RPS6KC1: variants seen among roughly 807,000 people sequenced by gnomAD.
RPS6KC1 encodes ribosomal protein S6 kinase C1.
Under a neutral mutation model 103.8 loss-of-function variants are expected in RPS6KC1, and 54 were observed. That is an observed-to-expected ratio of 0.52 (90% CI 0.42 to 0.65). The LOEUF (loss-of-function observed/expected upper bound fraction) is 0.65. Ranked by LOEUF, RPS6KC1 falls within the 30% of genes least tolerant of loss-of-function variation. RPS6KC1 has a pLI of 0.00. For synonymous variants in RPS6KC1, 439 were observed against 438.7 expected (o/e 1.00, Z -0.01); for missense variants, 1,151 against 1,253.8 (o/e 0.92, Z 1.24).
the RPS6KC1 span, among the ~76,000 whole-genome samples, chr1:213,692,388 C>A: frequency 1.8e-3 from 238 of 134,598 alleles, no homozygotes; most frequent in Middle Eastern, 3.8e-3. Context: ...GACTCTGTCT[C>A]AAAAAAAAAA....
At chr1:213,175,609 TA>T (rs1209493936) in intron 7 of RPS6KC1, among the ~76,000 whole-genome samples, 2 of 152,208 alleles carry the variant, frequency 1.3e-5, no homozygotes, top group Non-Finnish European at 2.9e-5. Context: ...AGGGAAAAAC[TA>T]AAACTAATAA....
chr1:213,189,378 G>A (rs1174581847), intron 8 of RPS6KC1, among the ~76,000 whole-genome samples: 2 of 150,596 alleles, frequency 1.3e-5, no homozygotes, highest in East Asian at 3.9e-4. Context: ...TAACCCAGGA[G>A]GCAGAGGTTG....
chr1:213,628,584 G>C, the RPS6KC1 span, among the ~76,000 whole-genome samples: 5 of 151,924 alleles, frequency 3.3e-5, no homozygotes. Flanking sequence ...CTATTAACTT[G>C]TCATTTAACA....
the RPS6KC1 span, among the ~76,000 whole-genome samples, chr1:213,283,894 A>G: frequency 6.6e-6 from 1 of 152,100 alleles, no homozygotes; most frequent in Non-Finnish European, 1.5e-5. Flanking sequence ...TTTTTTACTT[A>G]ACTCACTTTA....
the RPS6KC1 span, among the ~76,000 whole-genome samples, chr1:213,451,797 C>A: frequency 6.6e-6 from 1 of 152,196 alleles, no homozygotes; most frequent in Non-Finnish European, 1.5e-5. Context: ...AGAACCCAGG[C>A]CTGGAACTGC....
chr1:213,759,607 G>GGTGA, the RPS6KC1 span, among the ~76,000 whole-genome samples: 976 of 152,312 alleles, frequency 6.4e-3, 7 homozygotes, highest in African/African-American at 0.022. Flanking sequence ...CTTAAACCCT[G>GGTGA]TCTGGTAAGT....
At chr1:213,233,047 T>G (rs1448937419) in intron 10 of RPS6KC1, among the ~76,000 whole-genome samples, 1 of 152,222 alleles carries the variant, frequency 6.6e-6, no homozygotes, top group Non-Finnish European at 1.5e-5. Context: ...TATTGTACTT[T>G]ACTAATAGGC....
chr1:213,823,310 G>T, the RPS6KC1 span, among the ~76,000 whole-genome samples: 4 of 152,192 alleles, frequency 2.6e-5, no homozygotes, highest in East Asian at 7.7e-4. Flanking sequence ...ACCAACTAGA[G>T]CCTAAGTTCT....
chr1:213,792,696 C>T, the RPS6KC1 span, among the ~76,000 whole-genome samples: 7 of 152,266 alleles, frequency 4.6e-5, no homozygotes, highest in African/African-American at 1.7e-4. Flanking sequence ...ACAGTACTCA[C>T]TGAGAACAAA....
At chr1:213,368,384 G>A in the RPS6KC1 span, among the ~76,000 whole-genome samples, 4 of 152,126 alleles carry the variant, frequency 2.6e-5, no homozygotes, top group African/African-American at 9.7e-5. Context: ...TCTTTTACAC[G>A]AGAGGGTAGG....
the RPS6KC1 span, among the ~76,000 whole-genome samples, chr1:213,725,707 C>T: frequency 4.6e-5 from 7 of 152,170 alleles, no homozygotes; most frequent in Admixed American, 4.6e-4. Context: ...CAGAAAAAAT[C>T]GAACCCTGTT....
chr1:213,441,947 T>C, the RPS6KC1 span, among the ~76,000 whole-genome samples: 8 of 152,366 alleles, frequency 5.3e-5, no homozygotes, highest in Non-Finnish European at 7.4e-5. Context: ...ATAGCTTTAC[T>C]TTGTACCCAT....
intron 1 of RPS6KC1, among the ~76,000 whole-genome samples, chr1:213,058,887 A>G (rs1345512160): frequency 3.9e-5 from 6 of 152,218 alleles, no homozygotes; most frequent in Non-Finnish European, 8.8e-5. Flanking sequence ...AAATCTATGA[A>G]CACAGTATGT....
chr1:213,409,574 C>G, the RPS6KC1 span, among the ~76,000 whole-genome samples: 2 of 152,192 alleles, frequency 1.3e-5, no homozygotes, highest in East Asian at 3.9e-4. Flanking sequence ...AGAAAAGGAA[C>G]ACCAAGTGTA....
At chr1:213,668,421 C>T in the RPS6KC1 span, among the ~76,000 whole-genome samples, 53 of 146,092 alleles carry the variant, frequency 3.6e-4, no homozygotes, top group African/African-American at 1.3e-3. Context: ...ACCCCCACCC[C>T]GAGGAGTAGG....
the RPS6KC1 span, among the ~76,000 whole-genome samples, chr1:213,505,226 G>T: frequency 6.6e-6 from 1 of 152,086 alleles, no homozygotes; most frequent in Non-Finnish European, 1.5e-5. Context: ...GGCTCTTTCA[G>T]TTTCAGGGAG....
chr1:213,137,752 G>GCTCTCTCTCT (rs149436919), intron 6 of RPS6KC1, among the ~76,000 whole-genome samples: 884 of 12,078 alleles, frequency 0.073, 73 homozygotes, highest in East Asian at 0.19. Context: ...AGTCCAGTTT[G>GCTCTCTCTCT]CTCTCTCTCT....
At chr1:213,746,291 C>A in the RPS6KC1 span, among the ~76,000 whole-genome samples, 4 of 152,294 alleles carry the variant, frequency 2.6e-5, no homozygotes, top group South Asian at 6.2e-4. Context: ...CACATTTGGG[C>A]AGAGACTGCA....
At chr1:213,764,655 C>A in the RPS6KC1 span, among the ~76,000 whole-genome samples, 1 of 152,106 alleles carries the variant, frequency 6.6e-6, no homozygotes, top group African/African-American at 2.4e-5. Context: ...TCAGTGGACG[C>A]TCTTGGGGAC....
Sources: gnomAD v4.1 joint callset for allele counts (sites outside exome capture counted in the v4.1 genomes callset) on GRCh38, gnomAD v4.1.1 for gene constraint, MANE v1.5 for transcripts, NCBI Gene and HGNC (gene_info 2026-07-23, HGNC 2026-07-21) for gene names.